SLC4A4: variants seen among roughly 807,000 people sequenced by gnomAD.
SLC4A4 encodes solute carrier family 4 member 4, also known as electrogenic sodium bicarbonate cotransporter 1.
Under a neutral mutation model 111.5 loss-of-function variants are expected in SLC4A4, and 27 were observed. That is an observed-to-expected ratio of 0.24 (90% confidence interval 0.18 to 0.33). The LOEUF is 0.33. Among genes scored for constraint, SLC4A4 ranks in the 10% least tolerant of loss-of-function variants. SLC4A4 has a pLI of 1.00. For missense variants in SLC4A4, 909 were observed against 1,315.5 expected (o/e 0.69, Z 4.78); for synonymous variants, 443 against 463.4 (o/e 0.96, Z 0.57).
In SLC4A4 at chr4:71,457,450, G is replaced by A. The variant is rs78403508; in HGVS notation, c.1497+3781G>A. 2.6e-5 allele frequency among the ~76,000 whole-genome samples: 4 copies of A among 152,116 alleles called. No individual in the cohort carries two copies. In the East Asian group the frequency reaches 5.8e-4, roughly 22 times the overall value. On this transcript the variant is annotated intron_variant, in intron 12 of 25. Coordinates refer to ENST00000264485, the MANE Select transcript of SLC4A4 (RefSeq NM_001098484.3). Reference sequence around the variant, plus strand: ...AATGTCAGCAGTAAACTTTAGCTACGGCTTCTTTGAGTAACTGAACCACTC... The same window carrying A: ...AATGTCAGCAGTAAACTTTAGCTACAGCTTCTTTGAGTAACTGAACCACTC...
At chr4:71,362,863 C>T (rs141978203) in intron 6 of SLC4A4, among the ~76,000 whole-genome samples, 154 of 152,334 alleles carry the variant, frequency 1.0e-3, no homozygotes, top group Middle Eastern at 3.4e-3. Flanking sequence ...CTGCTTTCCC[C>T]ATGCCTTCTC....
At chr4:71,150,856 G>A (rs753544933) in intron 2 of SLC4A4, among the ~76,000 whole-genome samples, 5 of 151,972 alleles carry the variant, frequency 3.3e-5, no homozygotes, top group Admixed American at 1.3e-4. Flanking sequence ...ACTTCTATGC[G>A]CTCAAAGGTC....
At chr4:71,287,870 A>G (rs1724039897) in intron 3 of SLC4A4, among the ~76,000 whole-genome samples, 1 of 152,232 alleles carries the variant, frequency 6.6e-6, no homozygotes, top group South Asian at 2.1e-4. Flanking sequence ...TGAGAATTCA[A>G]TATGAATAAA....
intron 7 of SLC4A4, among the ~76,000 whole-genome samples, chr4:71,402,746 C>T (rs1720482475): frequency 6.6e-6 from 1 of 152,356 alleles, no homozygotes; most frequent in African/African-American, 2.4e-5. Context: ...TCAGCACCTA[C>T]AGCTTTCCTT....
At chr4:71,382,913 A>G (rs1175066447) in intron 6 of SLC4A4, among the ~76,000 whole-genome samples, 1 of 152,170 alleles carries the variant, frequency 6.6e-6, no homozygotes, top group Non-Finnish European at 1.5e-5. Flanking sequence ...AAGTTTTGAT[A>G]CTGATTCTGA....
At chr4:71,521,307 C>T (rs1372587319) in intron 16 of SLC4A4, among the ~76,000 whole-genome samples, 2 of 152,052 alleles carry the variant, frequency 1.3e-5, no homozygotes, top group East Asian at 1.9e-4. Flanking sequence ...TCATGGCTTA[C>T]TGCAGCCTCA....
chr4:71,375,209 G>C (rs1732237971), intron 6 of SLC4A4, among the ~76,000 whole-genome samples: 2 of 152,268 alleles, frequency 1.3e-5, no homozygotes, highest in Non-Finnish European at 2.9e-5. Context: ...TATCATACCT[G>C]GCTGATAAGT....
intron 4 of SLC4A4, among the ~76,000 whole-genome samples, chr4:71,347,871 A>G (rs1729466709): frequency 1.3e-5 from 2 of 152,236 alleles, no homozygotes; most frequent in African/African-American, 4.8e-5. Context: ...CAAATATTCT[A>G]TCCCTCAGAA....
At chr4:71,524,959 C>T (rs565281616) in intron 16 of SLC4A4, among the ~76,000 whole-genome samples, 19 of 152,062 alleles carry the variant, frequency 1.2e-4, no homozygotes, top group Non-Finnish European at 2.5e-4. Context: ...CCTTTCCCTC[C>T]AGTTAATTTA....
chr4:71,550,001 A>G (rs1164373575), intron 20 of SLC4A4, among the ~76,000 whole-genome samples: 1 of 151,862 alleles, frequency 6.6e-6, no homozygotes, highest in Non-Finnish European at 1.5e-5. Flanking sequence ...GACCTTCCTT[A>G]ATTGATCCAT....
intron 3 of SLC4A4, among the ~76,000 whole-genome samples, chr4:71,286,409 T>C (rs945682742): frequency 3.3e-5 from 5 of 152,248 alleles, no homozygotes; most frequent in African/African-American, 1.2e-4. Flanking sequence ...GCTTTTGTAC[T>C]GATCAGCTGG....
At chr4:71,367,444 A>G (rs1731436087) in intron 6 of SLC4A4, among the ~76,000 whole-genome samples, 1 of 152,168 alleles carries the variant, frequency 6.6e-6, no homozygotes, top group Non-Finnish European at 1.5e-5. Flanking sequence ...GGCCTAGATA[A>G]ATGTTTGCCA....
At chr4:71,292,409 G>A (rs16846229) in intron 3 of SLC4A4, among the ~76,000 whole-genome samples, 11,448 of 152,214 alleles carry the variant, frequency 0.075, 780 homozygotes, top group Admixed American at 0.21. Flanking sequence ...TAGGAAGTAA[G>A]GAGGGACTAA....
At chr4:71,215,351 C>T (rs1292334336) in intron 1 of SLC4A4, among the ~76,000 whole-genome samples, 1 of 152,210 alleles carries the variant, frequency 6.6e-6, no homozygotes, top group Non-Finnish European at 1.5e-5. Context: ...TTTCAAAACA[C>T]CTTATTGTCA....
chr4:71,468,735 G>GAA (rs5859263), intron 13 of SLC4A4, among the ~76,000 whole-genome samples: 4,451 of 148,472 alleles, frequency 0.03, 211 homozygotes, highest in African/African-American at 0.1. Flanking sequence ...CATGCTCCAT[G>GAA]AAAAAAAAAA....
chr4:71,287,118 G>A (rs760730721), intron 3 of SLC4A4, among the ~76,000 whole-genome samples: 1 of 152,090 alleles, frequency 6.6e-6, no homozygotes, highest in Non-Finnish European at 1.5e-5. Flanking sequence ...GTCCTAAGAA[G>A]GATGAGTGGT....
At chr4:71,419,928 G>C (rs1398584164) in intron 7 of SLC4A4, among the ~76,000 whole-genome samples, 1 of 152,208 alleles carries the variant, frequency 6.6e-6, no homozygotes, top group African/African-American at 2.4e-5. Flanking sequence ...AAAAAGCAGA[G>C]CACCTCTCCT....
intron 12 of SLC4A4, among the ~76,000 whole-genome samples, chr4:71,462,842 A>G (rs1726970184): frequency 6.6e-6 from 1 of 152,168 alleles, no homozygotes; most frequent in Admixed American, 6.5e-5. Flanking sequence ...CAGGAAGCAT[A>G]GGTAGGTTAA....
chr4:71,468,650 C>A (rs2149102540), intron 13 of SLC4A4, among the ~76,000 whole-genome samples: 1 of 151,606 alleles, frequency 6.6e-6, no homozygotes, highest in African/African-American at 2.4e-5. Context: ...CAGTGATAAT[C>A]TTCTGTCTAG....
Sources: gnomAD v4.1 joint callset for allele counts (sites outside exome capture counted in the v4.1 genomes callset) on GRCh38, gnomAD v4.1.1 for gene constraint, MANE v1.5 for transcripts, NCBI Gene and HGNC (gene_info 2026-07-23, HGNC 2026-07-21) for gene names.